The following NCAPG2 variants were observed in gnomAD, a reference collection of about 807,000 sequenced individuals.
NCAPG2 encodes condensin-2 complex subunit G2.
In NCAPG2, 53 loss-of-function variants were observed where a neutral mutation model predicts 141.1. That is an observed-to-expected ratio of 0.38 (90% confidence interval 0.30 to 0.47). The LOEUF is 0.47. Among genes scored for constraint, NCAPG2 ranks in the 20% least tolerant of loss-of-function variants. The probability of loss-of-function intolerance (pLI) is 0.99; values close to 1 mark genes in which losing one functional copy is unlikely to be tolerated. For synonymous variants in NCAPG2, 499 were observed against 490.7 expected, an observed-to-expected ratio of 1.02 and a Z score of -0.22; for missense variants, 1,087 against 1,389.0, an observed-to-expected ratio of 0.78 and a Z score of 3.46.
chr7:158,669,424 G>A (rs1405688928), intron 13 of NCAPG2, among the ~76,000 whole-genome samples: 1 of 152,064 alleles, frequency 6.6e-6, no homozygotes, highest in African/African-American at 2.4e-5. Context: ...TTAACAGGCT[G>A]TTTTAAAAAA....
At chr7:158,664,343 C>T (rs773658868) in intron 14 of NCAPG2, 47 bp from the exon 15 acceptor site, 2 of 1,553,672 alleles carry the variant, frequency 1.3e-6, no homozygotes, top group Middle Eastern at 1.7e-4. Flanking sequence ...GTTTCTTCTA[C>T]AAAATTAACT....
intron 2 of NCAPG2, among the ~76,000 whole-genome samples, chr7:158,694,307 T>A (rs571631032): frequency 4.6e-5 from 7 of 152,138 alleles, no homozygotes; most frequent in African/African-American, 1.7e-4. Flanking sequence ...TGAATAAACA[T>A]AGATGCAATA....
chr7:158,663,469 G>C (rs896969713), intron 15 of NCAPG2, among the ~76,000 whole-genome samples: 1 of 152,218 alleles, frequency 6.6e-6, no homozygotes, highest in Non-Finnish European at 1.5e-5. Context: ...TCACGGTGTG[G>C]TGGGAGATGG....
chr7:158,691,034 C>T (rs114776497), intron 4 of NCAPG2, among the ~76,000 whole-genome samples: 2,454 of 152,232 alleles, frequency 0.016, 67 homozygotes, highest in African/African-American at 0.056. Flanking sequence ...CTAACCAAAC[C>T]TCAGTGTAAC....
intron 12 of NCAPG2, among the ~76,000 whole-genome samples, chr7:158,673,824 CA>C (rs1440292169): frequency 6.6e-6 from 1 of 152,188 alleles, no homozygotes; most frequent in East Asian, 1.9e-4. Flanking sequence ...AGTATTCAAC[CA>C]AAGACCAGGA....
intron 2 of NCAPG2, chr7:158,696,405 A>C (rs1182087400): frequency 2.0e-5 from 3 of 152,262 alleles, no homozygotes; most frequent in African/African-American, 7.2e-5. Context: ...CATAGGCTGC[A>C]GAGGGTTATT....
At chr7:158,646,348 A>G in intron 25 of NCAPG2, 112 bp downstream of exon 25, 1 of 685,534 alleles carries the variant, frequency 1.5e-6, no homozygotes, top group Non-Finnish European at 2.4e-6. Flanking sequence ...CATTTTTCTC[A>G]TAGAAAAGAA....
intron 13 of NCAPG2, among the ~76,000 whole-genome samples, chr7:158,667,421 GGGTCCCTCCGCCCT>G (rs2129461697): frequency 8.7e-6 from 1 of 114,676 alleles, no homozygotes. Flanking sequence ...ACCCACTACT[GGGTCCCTCCGCCCT>G]CCTTACCCAC....
At position 158,658,344 on chromosome 7, in the gene NCAPG2, G is replaced by A. The variant is rs1292378389; in HGVS notation, c.2054C>T (p.Pro685Leu). 1 of 1,609,964 alleles carries A rather than the reference G, an allele frequency of 6.2e-7. No individual in the cohort carries two copies. Among genetic ancestry groups the A allele is most frequent in the Non-Finnish European group, 8.5e-7 (1 of 1,177,870 alleles). ...MSFMPASAVP[P>L]FSCGVISTLR... ...CAAAAAACAGAGCAAATACCTGAAT[G>A]GGGGGACAGCAGAGGCCGGCATAAA... Residue 685 changes from proline (P) to leucine (L), a missense_variant, in exon 17 of 28, where the codon CCA (proline) becomes CTA (leucine). Transcript: ENST00000356309.
chr7:158,660,314 G>A (rs958165632), intron 16 of NCAPG2, among the ~76,000 whole-genome samples: 6 of 149,616 alleles, frequency 4.0e-5, no homozygotes, highest in Admixed American at 1.3e-4. Flanking sequence ...TGCCCTGTCC[G>A]CCAACCTACC....
chr7:158,643,633 G>A (rs1434901472), intron 27 of NCAPG2, among the ~76,000 whole-genome samples: 2 of 152,232 alleles, frequency 1.3e-5, no homozygotes, highest in African/African-American at 4.8e-5. Context: ...ATGGAGAGTG[G>A]TTTGTTTCCC....
intron 27 of NCAPG2, among the ~76,000 whole-genome samples, chr7:158,636,396 TTTTTTC>T (rs1468422252): frequency 8.8e-5 from 13 of 147,550 alleles, no homozygotes; most frequent in African/African-American, 3.0e-4. Context: ...CATTATTTCT[TTTTTTC>T]TTTTTTTTTT....
At chr7:158,687,638 C>T (rs533842951) in intron 6 of NCAPG2, among the ~76,000 whole-genome samples, 196 bp from the exon 7 acceptor site, 1 of 152,348 alleles carries the variant, frequency 6.6e-6, no homozygotes, top group East Asian at 1.9e-4. Context: ...CAAGCCACCT[C>T]CCCCAGGGCC....
intron 19 of NCAPG2, 64 bp downstream of exon 19, chr7:158,656,196 C>G (rs1205069728): frequency 1.9e-6 from 3 of 1,543,572 alleles, no homozygotes; most frequent in Non-Finnish European, 2.7e-6. Flanking sequence ...ATGAAAGCTT[C>G]ACACTTTGAT....
chr7:158,646,147 C>G (rs1831001507), intron 25 of NCAPG2, among the ~76,000 whole-genome samples: 1 of 152,142 alleles, frequency 6.6e-6, no homozygotes, highest in South Asian at 2.1e-4. Flanking sequence ...TGAAAGCACA[C>G]TTGGTAAGAA....
In NCAPG2 at chr7:158,646,522, A is replaced by T. The variant is rs1831031654; in HGVS notation, c.3117T>A (p.Ser1039=). The part of the protein sequence containing the change: ...VEELTPPEHL[S]DLPPFSRCLI... ...AACACCTTGAAAATGGTGGAAGATCAGAAAGATGCTCTGGAGGGGTAAGCT... is the reference window on the plus strand; with the variant it reads ...AACACCTTGAAAATGGTGGAAGATCTGAAAGATGCTCTGGAGGGGTAAGCT... Residue 1039 remains serine (S), a synonymous_variant, in exon 25 of 28, where the codon TCT becomes TCA. Coordinates refer to ENST00000356309, the MANE Select transcript of NCAPG2 (RefSeq NM_017760.7). The T allele has an allele frequency of 6.3e-7, 1 of 1,584,948 alleles. No individual in the cohort carries two copies. Among genetic ancestry groups the T allele is most frequent in the Admixed American group, 2.0e-5 (1 of 50,176 alleles).
In NCAPG2 at chr7:158,650,877, A is replaced by G. The variant is rs1323491155; in HGVS notation, c.3030T>C (p.Thr1010=). Residue 1010 remains threonine, a synonymous_variant, in exon 24 of 28, where the codon ACT becomes ACC. Transcript: ENST00000356309. ...TCTCAACCACAGGCCCAGCGATCAG[A>G]GTAGAAAGTACACCCCGGTGCACAG... ...DTPVHRGVLS[T]LIAGPVVEIS... is the part of the protein sequence containing the mutation. 1 of 1,613,968 alleles carries G rather than the reference A, an allele frequency of 6.2e-7. No individual in the cohort carries two copies. The highest frequency in any genetic ancestry group is 8.5e-7 in the Non-Finnish European group (1 of 1,179,976).
intron 13 of NCAPG2, among the ~76,000 whole-genome samples, chr7:158,666,963 T>C (rs1036404812): frequency 5.9e-5 from 9 of 152,106 alleles, no homozygotes; most frequent in African/African-American, 2.2e-4. Context: ...TACTGAGGTG[T>C]GCACGCCAGG....
In NCAPG2 at chr7:158,664,207, C is replaced by A; in HGVS notation, c.1792G>T (p.Gly598Ter). The A allele has an allele frequency of 6.2e-7, 1 of 1,611,908 alleles. No individual in the cohort carries two copies. Among genetic ancestry groups the A allele is most frequent in the South Asian group, 1.1e-5 (1 of 91,028 alleles). ...EPPEDEEEEDGREKENVTVLD... is the reference protein window; with the variant it reads ...EPPEDEEEED ...ACAGTCACATTCTCCTTCTCCCTTC[C>A]GTCCTCTTCCTCCTCGTCCTCTGGA... Residue 598 changes from glycine to a stop codon, truncating the protein, a stop_gained, in exon 15 of 28, where the codon GGA becomes TGA. Transcript: ENST00000356309. LOFTEE classifies it high-confidence loss of function.
Sources: allele counts gnomAD v4.1 joint callset (sites outside exome capture counted in the v4.1 genomes callset), GRCh38; gene constraint gnomAD v4.1.1; transcripts MANE v1.5; gene names NCBI Gene and HGNC (gene_info 2026-07-23, HGNC 2026-07-21).